Variants in BORCS7 observed in about 807,000 individuals in gnomAD.
BORCS7 encodes the protein BLOC-1 related complex subunit 7.
BORCS7 carries 20 observed loss-of-function variants against 17.5 expected under a neutral mutation model. The ratio of observed to expected loss-of-function variants is 1.14; its 90% CI spans 0.80 to 1.66. BORCS7 has a LOEUF of 1.66. BORCS7 is among the 40% of genes most tolerant of loss of function. The pLI is 0.00. For synonymous variants in BORCS7, 57 were observed against 49.8 expected (o/e 1.14, Z -0.61); for missense variants, 122 against 129.7 (o/e 0.94, Z 0.29).
chr10:102,858,878 C>T (rs1844469493), intron 1 of BORCS7, among the ~76,000 whole-genome samples: 1 of 151,910 alleles, frequency 6.6e-6, no homozygotes, highest in Non-Finnish European at 1.5e-5. Context: ...TCTCCCTGAC[C>T]CAAGAGAACA....
intron 1 of BORCS7, among the ~76,000 whole-genome samples, chr10:102,857,652 G>C (rs1844450113): frequency 6.6e-6 from 1 of 152,142 alleles, no homozygotes; most frequent in Admixed American, 6.6e-5. Context: ...TCCAAGATTT[G>C]AGAATTTTTT....
intron 1 of BORCS7, among the ~76,000 whole-genome samples, chr10:102,856,961 C>T (rs1482045130): frequency 1.3e-5 from 2 of 152,130 alleles, no homozygotes; most frequent in Non-Finnish European, 2.9e-5. Flanking sequence ...ACTGCTGTGT[C>T]ATCCTAACCA....
intron 3 of BORCS7, among the ~76,000 whole-genome samples, chr10:102,861,273 G>A (rs1164208562): frequency 1.3e-5 from 2 of 151,998 alleles, no homozygotes; most frequent in South Asian, 2.1e-4. Flanking sequence ...AAAAGTAGCC[G>A]GGTGTGGTGG....
rs1215617133 is a variant in BORCS7, at chr10:102,863,107, G to A, written c.*183G>A. 2.0e-5 allele frequency: 10 copies of A among 504,764 alleles called. No individual in the cohort carries two copies. The highest frequency in any genetic ancestry group is 6.7e-5 in the Admixed American group (2 of 29,776). The allele number at this position is 504,764 out of a possible 1,614,324, so 31.3% of individuals were successfully genotyped here. On this transcript the variant is annotated 3_prime_UTR_variant, in exon 5 of 5. Coordinates refer to ENST00000339834, the MANE Select transcript of BORCS7 (RefSeq NM_001136200.2). ...TCCCAGCACTTTGGGAGGCCGAGGC[G>A]GGTGGATCACGAGGTCAGGAGTTCG...
rs1252398061 is a variant in BORCS7, at chr10:102,858,190, TAGAGAGAGAGAGCGAGCGAG to T, written c.142-2129_142-2110del. ...AAAAAAAAAAAAATATATATATATA[TAGAGAGAGAGAGCGAGCGAG>T]AGAGAGAGAGAGAGAGAGCAAGGTG... On this transcript the variant is annotated intron_variant, in intron 1 of 4. Coordinates refer to ENST00000339834, the MANE Select transcript of BORCS7 (RefSeq NM_001136200.2). 1.2e-4 allele frequency among the ~76,000 whole-genome samples: 16 copies of T among 135,052 alleles called. No homozygotes were observed. The East Asian group carries it at 2.9e-3, about 24-fold the overall frequency. The allele number at this position is 135,052 out of a possible 152,430, so 88.6% of individuals were successfully genotyped here. A position where few individuals can be genotyped will look rare whatever the true frequency, so the allele number is the denominator to read the frequency against.
chr10:102,862,966 T>A lies in BORCS7; in HGVS notation c.*42T>A. 1.4e-6 allele frequency: 2 copies of A among 1,476,770 alleles called. No homozygotes were observed. The highest frequency in any genetic ancestry group is 1.9e-6 in the Non-Finnish European group (2 of 1,055,038). The allele number at this position is 1,476,770 out of a possible 1,614,324, so 91.5% of individuals were successfully genotyped here. A position where few individuals can be genotyped will look rare whatever the true frequency, so the allele number is the denominator to read the frequency against. ...GCTGTAGGACTCCTTTGCCTAATGCTGAGGAGTAAATACCTTACACAGCTG... is the reference window on the plus strand; with the variant it reads ...GCTGTAGGACTCCTTTGCCTAATGCAGAGGAGTAAATACCTTACACAGCTG... On this transcript the variant is annotated 3_prime_UTR_variant, in exon 5 of 5. Transcript: ENST00000339834.
chr10:102,862,871 A>G lies in BORCS7; in HGVS notation c.270-2A>G. On this transcript the variant is annotated splice_acceptor_variant, in intron 4 of 4. Transcript: ENST00000339834. LOFTEE classifies it high-confidence loss of function. Reference sequence around the variant, plus strand: ...AAACCCTGTCTCTATTCTAATTCCTAGTGTTGAACAGTCATCGGATCTACA... The same window carrying G: ...AAACCCTGTCTCTATTCTAATTCCTGGTGTTGAACAGTCATCGGATCTACA... 1.2e-6 allele frequency: 2 copies of G among 1,601,688 alleles called. No individual in the cohort carries two copies. Among genetic ancestry groups the G allele is most frequent in the South Asian group, 2.2e-5 (2 of 90,784 alleles).
chr10:102,858,707 G>A (rs1844467593), intron 1 of BORCS7, among the ~76,000 whole-genome samples: 1 of 152,010 alleles, frequency 6.6e-6, no homozygotes. Context: ...AGAGAACAGG[G>A]AAAGAAAGGG....
chr10:102,864,260 A>T lies in BORCS7; in HGVS notation c.*1336A>T, dbSNP rs866943446. 2 of 152,230 alleles carry T rather than the reference A, an allele frequency of 1.3e-5. No individual in the cohort carries two copies. The highest frequency in any genetic ancestry group is 1.3e-4 in the Admixed American group (2 of 15,274). 9.4% of individuals were successfully genotyped at this position (152,230 alleles called of 1,614,324 possible). A position where few individuals can be genotyped will look rare whatever the true frequency, so the allele number is the denominator to read the frequency against. On this transcript the variant is annotated 3_prime_UTR_variant, in exon 5 of 5. Coordinates refer to ENST00000339834, the MANE Select transcript of BORCS7 (RefSeq NM_001136200.2). ...CCAATCATCAAGTTAACTAAGCATT[A>T]TCAGATTACGTTTATTTCTCATACA...
At chr10:102,860,762 C>T in intron 3 of BORCS7, 1 of 607,714 alleles carries the variant, frequency 1.6e-6, no homozygotes, top group Non-Finnish European at 2.9e-6. Flanking sequence ...ATGAACCTCC[C>T]CATGTTAAAT....
intron 1 of BORCS7, among the ~76,000 whole-genome samples, 178 bp from the exon 2 acceptor site, chr10:102,860,154 G>T (rs1844492556): frequency 6.6e-6 from 1 of 152,158 alleles, no homozygotes; most frequent in Non-Finnish European, 1.5e-5. Context: ...TAGTGCCAAT[G>T]AAATGAATTT....
At chr10:102,862,069 G>T in intron 3 of BORCS7, 91 bp from the exon 4 acceptor site, 1 of 1,264,914 alleles carries the variant, frequency 7.9e-7, no homozygotes, top group South Asian at 1.3e-5. Context: ...GACATAAGCT[G>T]AAATTTCTTC....
At chr10:102,859,266 C>T (rs983850878) in intron 1 of BORCS7, among the ~76,000 whole-genome samples, 7 of 151,802 alleles carry the variant, frequency 4.6e-5, no homozygotes, top group Admixed American at 6.6e-5. Context: ...CCTCAGCCTC[C>T]TGAATAACTG....
At chr10:102,854,499 G>A in intron 1 of BORCS7, 72 bp downstream of exon 1, 1 of 1,477,236 alleles carries the variant, frequency 6.8e-7, no homozygotes, top group East Asian at 2.5e-5. Context: ...TGGGAAGGAG[G>A]TCGCGTTGCA....
rs1844391209 is a variant in BORCS7, at chr10:102,854,429, T to A, written c.141+2T>A. On this transcript the variant is annotated splice_donor_variant, in intron 1 of 4. Coordinates refer to ENST00000339834, the MANE Select transcript of BORCS7 (RefSeq NM_001136200.2). LOFTEE classifies it high-confidence loss of function. ...CTGAAAGGCTCCCGGAGCTCCGAGG[T>A]GAGCTGGAAGTGGACTCTCCCGGCC... The A allele has an allele frequency of 1.3e-6, 2 of 1,534,472 alleles. No individual in the cohort carries two copies. Among genetic ancestry groups the A allele is most frequent in the African/African-American group, 1.4e-5 (1 of 72,792 alleles).
At chr10:102,859,559 A>ATTTTTTTTTTTTTTTTTTTTTTT in intron 1 of BORCS7, among the ~76,000 whole-genome samples, 1 of 115,444 alleles carries the variant, frequency 8.7e-6, no homozygotes, top group South Asian at 2.8e-4. Flanking sequence ...CTCTTATTCC[A>ATTTTTTTTTTTTTTTTTTTTTTT]TTTTTTTTTT....
At chr10:102,861,717 C>CA (rs58320339) in intron 3 of BORCS7, among the ~76,000 whole-genome samples, 99 of 144,160 alleles carry the variant, frequency 6.9e-4, no homozygotes, top group South Asian at 1.1e-3. Flanking sequence ...GACTCTGTCT[C>CA]AAAAAAAAAA....
intron 1 of BORCS7, among the ~76,000 whole-genome samples, chr10:102,856,256 C>T (rs1275097223): frequency 6.6e-6 from 1 of 151,896 alleles, no homozygotes; most frequent in African/African-American, 2.4e-5. Context: ...TTTTTCTAAA[C>T]ATCATGTGTC....
At chr10:102,856,483 C>T (rs1013862573) in intron 1 of BORCS7, among the ~76,000 whole-genome samples, 3 of 151,656 alleles carry the variant, frequency 2.0e-5, no homozygotes, top group East Asian at 3.9e-4. Context: ...TGAAATAATA[C>T]GAAAAATGAA....
Sources: gnomAD v4.1 joint callset for allele counts (sites outside exome capture counted in the v4.1 genomes callset) on GRCh38, gnomAD v4.1.1 for gene constraint, MANE v1.5 for transcripts, NCBI Gene and HGNC (gene_info 2026-07-23, HGNC 2026-07-21) for gene names.